The following PLXDC1 variants were observed in gnomAD, a reference collection of about 807,000 sequenced individuals.
PLXDC1 encodes plexin domain-containing protein 1.
Under a neutral mutation model 61.3 loss-of-function variants are expected in PLXDC1, and 39 were observed. The observed-to-expected ratio is 0.64, with a 90% CI of 0.49 to 0.83. The LOEUF (loss-of-function observed/expected upper bound fraction) is 0.83. PLXDC1 is among the 40% of genes least tolerant of loss of function. The pLI is 0.00. For missense variants in PLXDC1, 596 were observed against 666.5 expected, an observed-to-expected ratio of 0.89 and a Z score of 1.17; for synonymous variants, 212 against 254.5, an observed-to-expected ratio of 0.83 and a Z score of 1.59.
At chr17:39,092,251 T>G (rs1057015564) in intron 7 of PLXDC1, among the ~76,000 whole-genome samples, 4 of 151,702 alleles carry the variant, frequency 2.6e-5, no homozygotes, top group African/African-American at 9.7e-5. Context: ...ATTTTTGTAT[T>G]TTTAGTAGAG....
At chr17:39,120,718 A>C (rs1477936123) in intron 2 of PLXDC1, among the ~76,000 whole-genome samples, 1 of 144,184 alleles carries the variant, frequency 6.9e-6, no homozygotes, top group Non-Finnish European at 1.5e-5. Flanking sequence ...CAGCCTCTTG[A>C]GTAGCTGGGA....
chr17:39,111,976 C>T (rs1206503271), intron 2 of PLXDC1: 1 of 152,260 alleles, frequency 6.6e-6, no homozygotes, highest in African/African-American at 2.4e-5. Context: ...CTGTTTCTGC[C>T]CCTTTCCCCA....
chr17:39,131,508 A>C (rs1911562111), intron 2 of PLXDC1, among the ~76,000 whole-genome samples: 1 of 152,020 alleles, frequency 6.6e-6, no homozygotes, highest in Admixed American at 6.6e-5. Flanking sequence ...GTGCACCACC[A>C]TGCCCAGCTA....
At chr17:39,127,769 C>T (rs911055404) in intron 2 of PLXDC1, among the ~76,000 whole-genome samples, 2 of 151,560 alleles carry the variant, frequency 1.3e-5, no homozygotes, top group Non-Finnish European at 2.9e-5. Flanking sequence ...TCCTGGCTAA[C>T]ACAGTGAAAC....
chr17:39,146,739 C>G (rs2045344840), intron 1 of PLXDC1, among the ~76,000 whole-genome samples: 1 of 150,136 alleles, frequency 6.7e-6, no homozygotes, highest in Admixed American at 6.6e-5. Flanking sequence ...GCCTGCAGTC[C>G]CAGCTACTCA....
At chr17:39,078,178 T>G (rs947113144) in intron 10 of PLXDC1, 130 bp from the exon 11 acceptor site, 3 of 888,910 alleles carry the variant, frequency 3.4e-6, no homozygotes, top group African/African-American at 3.4e-5. Context: ...GGGGCTGAGA[T>G]GCCAATCTTA....
intron 2 of PLXDC1, among the ~76,000 whole-genome samples, chr17:39,128,225 A>G (rs1378301946): frequency 4.2e-5 from 6 of 142,412 alleles, no homozygotes; most frequent in Non-Finnish European, 9.3e-5. Context: ...GTGTATATAT[A>G]TATTTTTTTG....
At chr17:39,072,856 A>G (rs1049632958) in intron 11 of PLXDC1, among the ~76,000 whole-genome samples, 3 of 152,152 alleles carry the variant, frequency 2.0e-5, no homozygotes, top group Admixed American at 6.5e-5. Context: ...TGTGCAGGAG[A>G]GAGTCCCAAC....
At chr17:39,111,427 G>A (rs1010206389) in intron 2 of PLXDC1, among the ~76,000 whole-genome samples, 5 of 152,218 alleles carry the variant, frequency 3.3e-5, no homozygotes, top group Non-Finnish European at 7.3e-5. Context: ...TGGGATTACA[G>A]GCACACGCCT....
upstream of PLXDC1, chr17:39,152,595 G>T (rs560251305): frequency 2.3e-4 from 283 of 1,252,762 alleles, no homozygotes; most frequent in Admixed American, 4.2e-4. Flanking sequence ...TGGGAGACGG[G>T]GTGAGGGGGC....
At chr17:39,101,647 G>A (rs1309279041) in intron 7 of PLXDC1, among the ~76,000 whole-genome samples, 1 of 152,150 alleles carries the variant, frequency 6.6e-6, no homozygotes, top group Non-Finnish European at 1.5e-5. Context: ...AGCAGTGGGC[G>A]CTTTGCCCTC....
intron 11 of PLXDC1, among the ~76,000 whole-genome samples, chr17:39,076,077 G>GAA (rs71352340): frequency 1.9e-4 from 16 of 82,324 alleles, no homozygotes; most frequent in South Asian, 4.5e-4. Context: ...GACTAAGTCT[G>GAA]AAAAAAAAAA....
chr17:39,139,733 T>C lies in PLXDC1; in HGVS notation c.176A>G (p.Asp59Gly). The change falls in exon 2 of 14, where the codon GAC becomes GGC. Residue 59 changes from aspartate to glycine, a missense_variant. Physicochemically the swap from Asp to Gly is moderately conservative, Grantham distance 94. Coordinates refer to ENST00000315392, the MANE Select transcript of PLXDC1 (RefSeq NM_020405.5). Reference sequence around the variant, plus strand: ...CAGGTCCTGGCTCAGCTGGGTCCTGTCCGGCTCTGACACATGCCCAGGGCT... The same window carrying C: ...CAGGTCCTGGCTCAGCTGGGTCCTGCCCGGCTCTGACACATGCCCAGGGCT... ...RESPGHVSEP[D>G]RTQLSQDLGG... 6 of 1,613,998 alleles carry C rather than the reference T, an allele frequency of 3.7e-6. No homozygotes were observed. The highest frequency in any genetic ancestry group is 5.1e-6 in the Non-Finnish European group (6 of 1,180,014).
rs1555571863 is a variant in PLXDC1 at position 39,106,653 on chromosome 17, T to TTC, written c.712-701_712-700insGA. ...CTTTTTTCTTTTTTCTTTTTCTTTC[T>TTC]TTTTTTTTTTTTTTGAGACAGATTC... On this transcript the variant is annotated intron_variant, in intron 6 of 13. Coordinates refer to ENST00000315392, the MANE Select transcript of PLXDC1 (RefSeq NM_020405.5). 6.6e-5 allele frequency among the ~76,000 whole-genome samples: 6 copies of TTC among 90,570 alleles called. 1 individual carries two copies. The highest frequency in any genetic ancestry group is 4.1e-5 in the Non-Finnish European group (2 of 48,662). The allele number at this position is 90,570 out of a possible 152,430, so 59.4% of individuals were successfully genotyped here. A position where few individuals can be genotyped will look rare whatever the true frequency, so the allele number is the denominator to read the frequency against.
At chr17:39,129,796 A>G (rs1824587485) in intron 2 of PLXDC1, among the ~76,000 whole-genome samples, 1 of 151,670 alleles carries the variant, frequency 6.6e-6, no homozygotes, top group Admixed American at 6.6e-5. Context: ...AAAGAGAAAG[A>G]AAGAAAGAAA....
intron 1 of PLXDC1, among the ~76,000 whole-genome samples, chr17:39,145,855 C>T (rs1171451337): frequency 1.3e-5 from 2 of 152,134 alleles, no homozygotes; most frequent in African/African-American, 4.8e-5. Flanking sequence ...TCAGTTTCCT[C>T]ATCTGTGAGA....
At chr17:39,075,000 C>G (rs1256360798) in intron 11 of PLXDC1, among the ~76,000 whole-genome samples, 1 of 152,132 alleles carries the variant, frequency 6.6e-6, no homozygotes, top group East Asian at 1.9e-4. Context: ...CACTTTGTCA[C>G]CCAGGCTAGA....
rs568083543 is a variant in PLXDC1, at chr17:39,072,676, G to A, written c.1187-191C>T. The A allele has an allele frequency of 3.9e-5, 24 of 617,576 alleles. No individual in the cohort carries two copies. In the African/African-American group the frequency reaches 4.2e-4, roughly 11 times the overall value. The allele number at this position is 617,576 out of a possible 1,614,324, so 38.3% of individuals were successfully genotyped here. A position where few individuals can be genotyped will look rare whatever the true frequency, so the allele number is the denominator to read the frequency against. ...TGTAGCTGGAGGCTGGGGAGTAAATGAGCGGGGACTGGTGAGAGATGAGGC... is the reference window on the plus strand; with the variant it reads ...TGTAGCTGGAGGCTGGGGAGTAAATAAGCGGGGACTGGTGAGAGATGAGGC... On this transcript the variant is annotated intron_variant, in intron 11 of 13. Transcript: ENST00000315392.
At chr17:39,073,648 A>T (rs1909211320) in intron 11 of PLXDC1, among the ~76,000 whole-genome samples, 1 of 152,206 alleles carries the variant, frequency 6.6e-6, no homozygotes, top group African/African-American at 2.4e-5. Flanking sequence ...GGCTCCATGT[A>T]ATGCACATTG....
Sources: allele counts gnomAD v4.1 joint callset (sites outside exome capture counted in the v4.1 genomes callset), GRCh38; gene constraint gnomAD v4.1.1; transcripts MANE v1.5; gene names NCBI Gene and HGNC (gene_info 2026-07-23, HGNC 2026-07-21).